GLMN: variants seen among roughly 807,000 people sequenced by gnomAD.
The protein encoded by GLMN is glomulin, FKBP associated protein.
A neutral mutation model predicts 87.8 loss-of-function variants in GLMN; 75 were observed. That is an observed-to-expected ratio of 0.85 (90% CI 0.71 to 1.04). The LOEUF (loss-of-function observed/expected upper bound fraction) is 1.04, where lower values mean the gene tolerates loss of function less well. GLMN is among the 50% of genes least tolerant of loss of function. The probability of loss-of-function intolerance (pLI) is 0.00; values close to 1 mark genes in which losing one functional copy is unlikely to be tolerated. For missense variants in GLMN, 588 were observed against 658.8 expected (o/e 0.89, Z 1.18); for synonymous variants, 206 against 221.6 (o/e 0.93, Z 0.63).
the GLMN span, among the ~76,000 whole-genome samples, chr1:92,323,227 A>G: frequency 2.1e-3 from 321 of 151,660 alleles, 1 homozygote; most frequent in Non-Finnish European, 3.8e-3. Flanking sequence ...AAGGAGAACT[A>G]TATCAAAAAA....
rs898237460 is a variant in GLMN, at chr1:92,267,932, C to T, written c.1079G>A (p.Ser360Asn). 2.0e-6 allele frequency: 3 copies of T among 1,487,186 alleles called. No individual in the cohort carries two copies. Among genetic ancestry groups the T allele is most frequent in the African/African-American group, 1.4e-5 (1 of 72,642 alleles). 92.1% of individuals were successfully genotyped at this position (1,487,186 alleles called of 1,614,324 possible). The change falls in exon 11 of 19, where the codon AGT (serine) becomes AAT (asparagine). Residue 360 changes from serine to asparagine, a missense_variant. Ser to Asn is a conservative substitution (Grantham distance 46, BLOSUM62 1). Coordinates refer to ENST00000370360, the MANE Select transcript of GLMN (RefSeq NM_053274.3). ...SLLYQYLEIK[S>N]FLTVPQGLVK... is the part of the protein sequence containing the mutation. ...ATTTACCTGAGGTACAGTAAGAAAACTCTTGATTTCTAAGTACTGGTAAAG... is the reference window on the plus strand; with the variant it reads ...ATTTACCTGAGGTACAGTAAGAAAATTCTTGATTTCTAAGTACTGGTAAAG...
the GLMN span, among the ~76,000 whole-genome samples, chr1:92,306,990 G>GA: frequency 6.6e-6 from 1 of 152,130 alleles, no homozygotes; most frequent in Non-Finnish European, 1.5e-5. Flanking sequence ...TACTTCTGGG[G>GA]AATGCGGAGG....
the GLMN span, among the ~76,000 whole-genome samples, chr1:92,334,496 CAGTT>C: frequency 9.9e-5 from 15 of 151,920 alleles, no homozygotes; most frequent in Non-Finnish European, 1.5e-4. Flanking sequence ...AAAATGGAAA[CAGTT>C]AGGGGTCAAA....
At chr1:92,314,676 G>A in the GLMN span, among the ~76,000 whole-genome samples, 1 of 151,988 alleles carries the variant, frequency 6.6e-6, no homozygotes, top group Non-Finnish European at 1.5e-5. Flanking sequence ...CCAGGAGGCA[G>A]AGGTTGCAGT....
chr1:92,360,057 T>G, the GLMN span, among the ~76,000 whole-genome samples: 1 of 152,196 alleles, frequency 6.6e-6, no homozygotes, highest in Non-Finnish European at 1.5e-5. Context: ...AAACATATAC[T>G]TTGCCCAAGG....
chr1:92,298,817 G>C (rs1650505118), intron 1 of GLMN, 108 bp downstream of exon 1: 2 of 379,116 alleles, frequency 5.3e-6, no homozygotes, highest in Non-Finnish European at 9.4e-6. Flanking sequence ...TAGGTGGGCA[G>C]GCTCCACCAC....
At chr1:92,287,644 A>AT (rs1183004924) in intron 6 of GLMN, among the ~76,000 whole-genome samples, 3 of 151,814 alleles carry the variant, frequency 2.0e-5, no homozygotes, top group East Asian at 1.9e-4. Context: ...CTGGCTGTAA[A>AT]TTTTTTTTTA....
intron 11 of GLMN, among the ~76,000 whole-genome samples, chr1:92,266,942 T>C (rs545375880): frequency 1.6e-4 from 24 of 152,248 alleles, no homozygotes; most frequent in South Asian, 4.2e-4. Context: ...TTGAGTAGAG[T>C]GTCACACAGT....
chr1:92,264,934 C>T (rs754696800), intron 13 of GLMN, among the ~76,000 whole-genome samples: 42 of 152,160 alleles, frequency 2.8e-4, no homozygotes, highest in African/African-American at 8.2e-4. Flanking sequence ...CTCCGCCTCC[C>T]GGGTTCAAGC....
chr1:92,351,429 A>G, the GLMN span, among the ~76,000 whole-genome samples: 3 of 152,152 alleles, frequency 2.0e-5, no homozygotes, highest in Non-Finnish European at 4.4e-5. Flanking sequence ...GTTACCCACA[A>G]TATAAGAAAC....
rs137961643 is a variant in GLMN at position 92,288,309 on chromosome 1, C to T, written c.632+605G>A. Among the ~76,000 whole-genome samples the T allele has an allele frequency of 1.8e-3, 273 of 152,310 alleles. 3 individuals are homozygous for T. Among genetic ancestry groups the T allele is most frequent in the African/African-American group, 6.0e-3 (250 of 41,560 alleles). On this transcript the variant is annotated intron_variant, in intron 6 of 18. Transcript: ENST00000370360. ...CAGAGCTACCTATATCTATTTCCCA[C>T]ACTCACCCTGAGCTACATGTATCTA...
chr1:92,362,172 T>C, the GLMN span, among the ~76,000 whole-genome samples: 1 of 151,942 alleles, frequency 6.6e-6, no homozygotes, highest in Non-Finnish European at 1.5e-5. Context: ...GTATTAAGAG[T>C]GCTCGTTAAA....
At chr1:92,286,463 A>G (rs764473901) in intron 7 of GLMN, 27 bp downstream of exon 7, 6 of 1,010,878 alleles carry the variant, frequency 5.9e-6, no homozygotes, top group Non-Finnish European at 7.9e-6. Context: ...ATTTAAGATT[A>G]TAGCAGATTA....
In GLMN at chr1:92,264,629, C is replaced by T. The variant is rs368361041; in HGVS notation, c.1224G>A (p.Leu408=). ...CCACACCTGAGTGATTACTTGTATT[C>T]AATAAGCACCTTGAAAGCAAAATTA... ...QGKYTLFRCL[L]NTSNHSGVEA... The change falls in exon 14 of 19, where the codon TTG becomes TTA. Residue 408 remains leucine, a synonymous_variant. Coordinates refer to ENST00000370360, the MANE Select transcript of GLMN (RefSeq NM_053274.3). 70 of 1,562,614 alleles carry T rather than the reference C, an allele frequency of 4.5e-5. No individual in the cohort carries two copies. Among genetic ancestry groups the T allele is most frequent in the African/African-American group, 8.1e-5 (6 of 73,884 alleles).
At chr1:92,350,160 T>C in the GLMN span, among the ~76,000 whole-genome samples, 1 of 152,180 alleles carries the variant, frequency 6.6e-6, no homozygotes, top group Non-Finnish European at 1.5e-5. Flanking sequence ...TATTGATATT[T>C]ATACTATGAA....
the GLMN span, chr1:92,324,243 AG>A: frequency 6.2e-7 from 1 of 1,614,110 alleles, no homozygotes; most frequent in Non-Finnish European, 8.5e-7. Context: ...GCTCAGGTAC[AG>A]CCATTAAACC....
chr1:92,300,394 A>T (rs979002432), upstream of GLMN, among the ~76,000 whole-genome samples: 3 of 152,076 alleles, frequency 2.0e-5, no homozygotes, highest in African/African-American at 7.2e-5. Context: ...ATTCTCACAT[A>T]GACTGTTACA....
chr1:92,369,196 C>T, the GLMN span, among the ~76,000 whole-genome samples: 4 of 152,262 alleles, frequency 2.6e-5, no homozygotes, highest in South Asian at 2.1e-4. Context: ...CTGCATAAAA[C>T]ACATTAAATA....
the GLMN span, among the ~76,000 whole-genome samples, chr1:92,332,387 GTATTTTAAA>G: frequency 1.3e-5 from 2 of 152,092 alleles, no homozygotes; most frequent in South Asian, 4.2e-4. Flanking sequence ...TATTAAACAT[GTATTTTAAA>G]TAATGCTGAT....
Sources: allele counts gnomAD v4.1 joint callset (sites outside exome capture counted in the v4.1 genomes callset), GRCh38; gene constraint gnomAD v4.1.1; transcripts MANE v1.5; gene names NCBI Gene and HGNC (gene_info 2026-07-23, HGNC 2026-07-21).